ANK3: variants seen among roughly 807,000 people sequenced by gnomAD.
The protein encoded by ANK3 is ankyrin-3.
Under a neutral mutation model 370.9 loss-of-function variants are expected in ANK3, and 57 were observed. That is an observed-to-expected ratio of 0.15 (90% CI 0.12 to 0.19). The LOEUF is 0.19. Among genes scored for constraint, ANK3 ranks in the 10% least tolerant of loss-of-function variants. The probability of loss-of-function intolerance (pLI) is 1.00; values close to 1 mark genes in which losing one functional copy is unlikely to be tolerated. For synonymous variants in ANK3, 1,929 were observed against 1,946.3 expected, an observed-to-expected ratio of 0.99 and a Z score of 0.23; for missense variants, 4,439 against 5,302.1, an observed-to-expected ratio of 0.84 and a Z score of 5.06.
intron 2 of ANK3, among the ~76,000 whole-genome samples, chr10:60,555,170 G>C (rs749155151): frequency 6.6e-6 from 1 of 152,088 alleles, no homozygotes; most frequent in Non-Finnish European, 1.5e-5. Context: ...TATCCTATTA[G>C]AATTGAAATT....
chr10:60,263,397 G>A (rs893485494), intron 6 of ANK3, among the ~76,000 whole-genome samples: 3 of 152,136 alleles, frequency 2.0e-5, no homozygotes, highest in Admixed American at 6.5e-5. Context: ...TTTTGGCTGC[G>A]GCTCTCTTGC....
intron 2 of ANK3, among the ~76,000 whole-genome samples, chr10:60,611,778 A>G (rs2078205181): frequency 6.6e-6 from 1 of 150,802 alleles, no homozygotes; most frequent in African/African-American, 2.4e-5. Flanking sequence ...CATCTAAATC[A>G]AAGGCTTGCC....
At chr10:60,238,412 C>CAT (rs1454061070) in intron 7 of ANK3, among the ~76,000 whole-genome samples, 1 of 152,102 alleles carries the variant, frequency 6.6e-6, no homozygotes, top group Non-Finnish European at 1.5e-5. Flanking sequence ...AATCCGTCAC[C>CAT]ATACATACAG....
chr10:60,450,884 G>A (rs1022735549), intron 2 of ANK3, among the ~76,000 whole-genome samples: 1 of 150,264 alleles, frequency 6.7e-6, no homozygotes, highest in Non-Finnish European at 1.5e-5. Flanking sequence ...CCTGCAGTGG[G>A]TTAAATACTG....
At chr10:60,391,874 A>G (rs944619420), upstream of ANK3, among the ~76,000 whole-genome samples, 1 of 152,212 alleles carries the variant, frequency 6.6e-6, no homozygotes, top group Non-Finnish European at 1.5e-5. Flanking sequence ...TTAGGACTCT[A>G]TAATGTGACT....
chr10:60,103,540 G>A (rs1389020902), intron 28 of ANK3, among the ~76,000 whole-genome samples: 1 of 151,972 alleles, frequency 6.6e-6, no homozygotes, highest in Non-Finnish European at 1.5e-5. Flanking sequence ...TGGTAAGAAT[G>A]AAGTGTTTTT....
chr10:60,600,590 T>C (rs1223265277), intron 2 of ANK3, among the ~76,000 whole-genome samples: 2 of 152,220 alleles, frequency 1.3e-5, no homozygotes, highest in South Asian at 2.1e-4. Context: ...ACTAGAAATA[T>C]GAACCTTCTC....
chr10:60,278,897 T>G (rs1451562781), intron 3 of ANK3, 25 bp from the exon 4 acceptor site: 3 of 1,606,132 alleles, frequency 1.9e-6, no homozygotes, highest in South Asian at 2.2e-5. Context: ...TCAAGATATA[T>G]CAACTCATCG....
At chr10:60,397,632 T>C (rs1210849562) in intron 2 of ANK3, among the ~76,000 whole-genome samples, 1 of 152,204 alleles carries the variant, frequency 6.6e-6, no homozygotes, top group Non-Finnish European at 1.5e-5. Flanking sequence ...TCCTTGAACT[T>C]GGCAAGTGTT....
chr10:60,110,250 C>G (rs2092601423), intron 26 of ANK3, among the ~76,000 whole-genome samples: 1 of 152,110 alleles, frequency 6.6e-6, no homozygotes, highest in African/African-American at 2.4e-5. Context: ...TACCTCTTGA[C>G]CTTGAAAGAG....
chr10:60,100,777 C>T (rs375972095), intron 28 of ANK3, among the ~76,000 whole-genome samples: 26 of 152,126 alleles, frequency 1.7e-4, no homozygotes, highest in African/African-American at 6.0e-4. Context: ...CAAAGCCTTC[C>T]GTGTAATACT....
intron 29 of ANK3, among the ~76,000 whole-genome samples, chr10:60,087,898 T>G (rs1169951605): frequency 6.6e-6 from 1 of 152,174 alleles, no homozygotes; most frequent in Non-Finnish European, 1.5e-5. Flanking sequence ...ACCTATGATT[T>G]AAAAAATTAT....
intron 1 of ANK3, among the ~76,000 whole-genome samples, chr10:60,372,969 T>C (rs1238051117): frequency 6.6e-6 from 1 of 152,234 alleles, no homozygotes; most frequent in Non-Finnish European, 1.5e-5. Context: ...GGTATAAAAA[T>C]AGAGGCATGA....
chr10:60,472,638 C>G (rs1172681526), intron 2 of ANK3, among the ~76,000 whole-genome samples: 1 of 152,144 alleles, frequency 6.6e-6, no homozygotes, highest in African/African-American at 2.4e-5. Flanking sequence ...TTCTTTTCCT[C>G]TTAAAATAAT....
At chr10:60,114,191 T>A in intron 26 of ANK3, 34 bp downstream of exon 26, 4 of 1,222,736 alleles carry the variant, frequency 3.3e-6, no homozygotes, top group Non-Finnish European at 4.8e-6. Context: ...GTTCATGTAG[T>A]AGGATAATGA....
At chr10:60,111,022 G>A (rs1419881333) in intron 26 of ANK3, among the ~76,000 whole-genome samples, 1 of 152,162 alleles carries the variant, frequency 6.6e-6, no homozygotes, top group East Asian at 1.9e-4. Flanking sequence ...ACAAAATAGG[G>A]ACGTGATAAA....
At chr10:60,696,767 C>T (rs2079459984) in intron 1 of ANK3, among the ~76,000 whole-genome samples, 1 of 145,512 alleles carries the variant, frequency 6.9e-6, no homozygotes, top group Non-Finnish European at 1.5e-5. Context: ...ATAATAAGAG[C>T]TATCTATGAC....
intron 2 of ANK3, among the ~76,000 whole-genome samples, chr10:60,431,440 CTCTCTGGACA>C (rs1268970094): frequency 1.3e-5 from 2 of 152,166 alleles, no homozygotes; most frequent in Non-Finnish European, 2.9e-5. Context: ...TGAAGTTTTG[CTCTCTGGACA>C]ACTGCTCATC....
chr10:60,682,130 C>G (rs1302535915), intron 1 of ANK3, among the ~76,000 whole-genome samples: 2 of 152,120 alleles, frequency 1.3e-5, no homozygotes, highest in East Asian at 3.9e-4. Flanking sequence ...CTGGGTGACA[C>G]AGCAAGACTC....
Sources: allele counts gnomAD v4.1 joint callset (sites outside exome capture counted in the v4.1 genomes callset), GRCh38; gene constraint gnomAD v4.1.1; transcripts MANE v1.5; gene names NCBI Gene and HGNC (gene_info 2026-07-23, HGNC 2026-07-21).